MED12L: variants seen among roughly 807,000 people sequenced by gnomAD.
MED12L encodes the protein mediator complex subunit 12L, also known as mediator of RNA polymerase II transcription subunit 12-like protein.
A neutral mutation model predicts 281.3 loss-of-function variants in MED12L; 60 were observed. That is an observed-to-expected ratio of 0.21 (90% CI 0.17 to 0.26). MED12L has a LOEUF of 0.26. Ranked by LOEUF, MED12L falls within the 10% of genes least tolerant of loss-of-function variation. MED12L has a pLI of 1.00. For synonymous variants in MED12L, 974 were observed against 987.2 expected, an observed-to-expected ratio of 0.99 and a Z score of 0.25; for missense variants, 2,146 against 2,680.9, an observed-to-expected ratio of 0.80 and a Z score of 4.41.
At chr3:151,271,830 C>G (rs1741006239) in intron 16 of MED12L, among the ~76,000 whole-genome samples, 1 of 152,094 alleles carries the variant, frequency 6.6e-6, no homozygotes, top group African/African-American at 2.4e-5. Context: ...GAACTAAGCT[C>G]TAATGAGAGA....
intron 12 of MED12L, among the ~76,000 whole-genome samples, chr3:151,186,215 T>C (rs1305476022): frequency 2.0e-5 from 3 of 152,206 alleles, no homozygotes; most frequent in Non-Finnish European, 1.5e-5. Context: ...CAGGCCTTCC[T>C]TTCTGCCTGT....
chr3:151,382,272 G>A (rs938856930), intron 32 of MED12L, among the ~76,000 whole-genome samples: 4 of 152,138 alleles, frequency 2.6e-5, no homozygotes, highest in African/African-American at 9.7e-5. Flanking sequence ...GGTTCAGCAA[G>A]TCCCTAGAAA....
rs1723885789 is a variant in MED12L at position 151,190,896 on chromosome 3, G to A, written c.1933G>A (p.Glu645Lys). The A allele has an allele frequency of 6.2e-7, 1 of 1,614,002 alleles. No individual in the cohort carries two copies. Among genetic ancestry groups the A allele is most frequent in the Admixed American group, 1.7e-5 (1 of 59,992 alleles). Residue 645 changes from glutamate to lysine, a missense_variant, in exon 14 of 45, where the codon GAA (glutamate) becomes AAA (lysine). Around this residue, in one of 9 missense-constraint regions of MED12L, gnomAD observed 722 missense variants for 861.2 expected, o/e 0.84. Coordinates refer to ENST00000687756, the MANE Select transcript of MED12L (RefSeq NM_001393769.1). ...GTCACCAGTAGGGGAAAATGCAGATGAACACTATTCAAAGGACCATGATGT... is the reference window on the plus strand; with the variant it reads ...GTCACCAGTAGGGGAAAATGCAGATAAACACTATTCAAAGGACCATGATGT... The part of the protein sequence containing the change: ...PRSPVGENAD[E>K]HYSKDHDVKM...
At chr3:151,382,530 T>A (rs1712569062) in intron 32 of MED12L, 126 bp from the exon 33 acceptor site, 1 of 551,004 alleles carries the variant, frequency 1.8e-6, no homozygotes, top group Non-Finnish European at 3.1e-6. Context: ...GCTAAAATTT[T>A]ATTTAGCTTT....
intron 16 of MED12L, among the ~76,000 whole-genome samples, chr3:151,232,237 C>G (rs1731834401): frequency 6.6e-6 from 1 of 152,170 alleles, no homozygotes; most frequent in South Asian, 2.1e-4. Context: ...TTACTTAAAA[C>G]ATTGTTTGTA....
At chr3:151,305,734 A>C (rs1343151648) in intron 16 of MED12L, among the ~76,000 whole-genome samples, 1 of 150,136 alleles carries the variant, frequency 6.7e-6, no homozygotes, top group Admixed American at 6.6e-5. Flanking sequence ...ATTTTAGAGG[A>C]CAGGAAGTGG....
intron 16 of MED12L, chr3:151,198,330 G>A (rs1724958682): frequency 2.1e-6 from 2 of 943,158 alleles, no homozygotes; most frequent in African/African-American, 3.8e-5. Flanking sequence ...TTTTCATACT[G>A]AGTTTTTTTT....
At chr3:151,381,493 G>A (rs955906725) in intron 32 of MED12L, among the ~76,000 whole-genome samples, 25 of 152,156 alleles carry the variant, frequency 1.6e-4, no homozygotes, top group African/African-American at 5.6e-4. Flanking sequence ...CCATGTTACT[G>A]TTCTTGAACT....
At position 151,350,165 on chromosome 3, in the gene MED12L, T is replaced by C. The variant is rs770559289; in HGVS notation, c.2357T>C (p.Ile786Thr). 4 of 1,613,606 alleles carry C rather than the reference T, an allele frequency of 2.5e-6. No individual in the cohort carries two copies. The highest frequency in any genetic ancestry group is 3.4e-6 in the Non-Finnish European group (4 of 1,179,784). ...CAGCTGAAGAAGATTACCAAAGATA[T>C]CCTGAAAATTCTAAATAAGAAGAGC... ...RHQLKKITKD[I>T]LKILNKKSTT... is the part of the protein sequence containing the mutation. The change falls in exon 17 of 45, where the codon ATC becomes ACC. Residue 786 changes from isoleucine (I) to threonine (T), a missense_variant. Around this residue, in one of 9 missense-constraint regions of MED12L, gnomAD observed 404 missense variants for 603.5 expected, o/e 0.67. Coordinates refer to ENST00000687756, the MANE Select transcript of MED12L (RefSeq NM_001393769.1).
At chr3:151,268,037 T>G (rs752116188) in intron 16 of MED12L, among the ~76,000 whole-genome samples, 1 of 152,166 alleles carries the variant, frequency 6.6e-6, no homozygotes, top group South Asian at 2.1e-4. Context: ...CTTAGTAAAG[T>G]CTCAAGGAAA....
In MED12L at chr3:151,369,089, A is replaced by T. The variant is rs569807423; in HGVS notation, c.3551-347A>T. 3.6e-4 allele frequency among the ~76,000 whole-genome samples: 55 copies of T among 152,300 alleles called. No individual in the cohort carries two copies. In the South Asian group the frequency reaches 0.011, roughly 30 times the overall value. The stretch of plus-strand genomic sequence containing the variant: ...ATTTATTCTTGTACTAAGTAAAAGG[A>T]ATAAAGTAAGAATTTTAGGGGCGTT... On this transcript the variant is annotated intron_variant, in intron 25 of 44. Coordinates refer to ENST00000687756, the MANE Select transcript of MED12L (RefSeq NM_001393769.1).
intron 42 of MED12L, among the ~76,000 whole-genome samples, chr3:151,414,445 G>A (rs1717322779): frequency 6.6e-6 from 1 of 152,214 alleles, no homozygotes; most frequent in South Asian, 2.1e-4. Context: ...AACCTGCCAT[G>A]CAGAAAGGGA....
chr3:151,376,664 A>G (rs1756891786), intron 28 of MED12L, 136 bp from the exon 29 acceptor site: 25 of 704,866 alleles, frequency 3.5e-5, no homozygotes, highest in South Asian at 3.4e-4. Flanking sequence ...AAGATTGGGA[A>G]CCTTTTGACT....
At chr3:151,146,636 CT>C (rs1244029534) in intron 5 of MED12L, among the ~76,000 whole-genome samples, 1 of 152,130 alleles carries the variant, frequency 6.6e-6, no homozygotes, top group Non-Finnish European at 1.5e-5. Flanking sequence ...AGGGAAATGG[CT>C]GGTTTAAAAT....
intron 16 of MED12L, among the ~76,000 whole-genome samples, chr3:151,261,986 C>G (rs569422901): frequency 1.4e-4 from 22 of 152,258 alleles, no homozygotes; most frequent in African/African-American, 5.3e-4. Flanking sequence ...CTCGGCCTCC[C>G]AGTGTGCTAA....
intron 16 of MED12L, among the ~76,000 whole-genome samples, chr3:151,319,966 C>T (rs777805389): frequency 6.6e-6 from 1 of 152,164 alleles, no homozygotes; most frequent in African/African-American, 2.4e-5. Flanking sequence ...GGTAAGATTA[C>T]TCATAAGCCT....
intron 3 of MED12L, among the ~76,000 whole-genome samples, chr3:151,118,184 T>C (rs1484871551): frequency 1.3e-5 from 2 of 151,752 alleles, no homozygotes; most frequent in African/African-American, 4.9e-5. Flanking sequence ...TTGAGTTGGA[T>C]GTTAAAATAC....
At chr3:151,409,493 G>A (rs188974410) in intron 40 of MED12L, among the ~76,000 whole-genome samples, 161 bp downstream of exon 40, 20 of 152,276 alleles carry the variant, frequency 1.3e-4, no homozygotes, top group Admixed American at 2.6e-4. Flanking sequence ...AGCATGATCA[G>A]GATTGTTGAA....
chr3:151,360,848 G>A (rs1381447356), intron 21 of MED12L, among the ~76,000 whole-genome samples: 1 of 152,010 alleles, frequency 6.6e-6, no homozygotes, highest in Non-Finnish European at 1.5e-5. Flanking sequence ...ATATTGAAAT[G>A]ATGTTAGGTC....
Sources: allele counts gnomAD v4.1 joint callset (sites outside exome capture counted in the v4.1 genomes callset), GRCh38; gene constraint gnomAD v4.1.1; regional missense constraint gnomAD v4.1.1; transcripts MANE v1.5; gene names NCBI Gene and HGNC (gene_info 2026-07-23, HGNC 2026-07-21).